The following ZCWPW2 variants were observed in gnomAD, a reference collection of about 807,000 sequenced individuals.
The protein encoded by ZCWPW2 is zinc finger CW-type PWWP domain protein 2.
ZCWPW2 carries 45 observed loss-of-function variants against 46.6 expected under a neutral mutation model. The observed-to-expected ratio is 0.96, with a 90% CI of 0.76 to 1.24. The LOEUF (loss-of-function observed/expected upper bound fraction) is 1.24, where lower values mean the gene tolerates loss of function less well. Among genes scored for constraint, ZCWPW2 ranks in the 50% most tolerant of loss-of-function variants. ZCWPW2 has a pLI of 0.00. For synonymous variants in ZCWPW2, 152 were observed against 137.1 expected, an observed-to-expected ratio of 1.11 and a Z score of -0.76; for missense variants, 429 against 403.9, an observed-to-expected ratio of 1.06 and a Z score of -0.53.
At chr3:28,359,873 T>C (rs1704876402) in intron 1 of ZCWPW2, among the ~76,000 whole-genome samples, 1 of 152,162 alleles carries the variant, frequency 6.6e-6, no homozygotes, top group African/African-American at 2.4e-5. Flanking sequence ...ACCTTAAATA[T>C]TGATTATAAT....
At chr3:28,355,289 C>A (rs562529005) in intron 1 of ZCWPW2, among the ~76,000 whole-genome samples, 44 of 152,336 alleles carry the variant, frequency 2.9e-4, no homozygotes, top group African/African-American at 9.6e-4. Flanking sequence ...ATCCAACTTA[C>A]AAGGAATGTG....
At chr3:28,474,921 C>T (rs1699183868) in intron 4 of ZCWPW2, among the ~76,000 whole-genome samples, 1 of 151,984 alleles carries the variant, frequency 6.6e-6, no homozygotes, top group African/African-American at 2.4e-5. Flanking sequence ...CTCCACCTCC[C>T]GGGTTCAAGC....
chr3:28,439,991 T>TC (rs1414904046), intron 4 of ZCWPW2, among the ~76,000 whole-genome samples: 1 of 152,192 alleles, frequency 6.6e-6, no homozygotes, highest in Non-Finnish European at 1.5e-5. Context: ...TGGTTTTTTT[T>TC]CCTGGTGAAG....
rs10212589 is a variant in ZCWPW2, at chr3:28,352,189, T to C, written c.-134+2986T>C. 1.6e-3 allele frequency among the ~76,000 whole-genome samples: 236 copies of C among 149,938 alleles called. 1 individual carries two copies. The highest frequency in any genetic ancestry group is 5.7e-3 in the African/African-American group (232 of 40,648). ...ACACGAGAGAGAATTATGTATGCCT[T>C]GCAGTGCATGACTTCTGTTAAACTG... On this transcript the variant is annotated intron_variant, in intron 1 of 9. Coordinates refer to ENST00000383768, the MANE Select transcript of ZCWPW2 (RefSeq NM_001040432.4).
chr3:28,435,744 C>A (rs1336275681), intron 4 of ZCWPW2, among the ~76,000 whole-genome samples: 1 of 152,012 alleles, frequency 6.6e-6, no homozygotes, highest in Non-Finnish European at 1.5e-5. Context: ...CCCCGGCCTC[C>A]GAAAGTGCTG....
intron 2 of ZCWPW2, among the ~76,000 whole-genome samples, chr3:28,411,646 GCT>G (rs1696403443): frequency 6.6e-6 from 1 of 151,974 alleles, no homozygotes. Context: ...ACATAACCTG[GCT>G]CCAAAGTCTA....
intron 4 of ZCWPW2, among the ~76,000 whole-genome samples, chr3:28,456,118 A>G (rs1451115971): frequency 6.6e-6 from 1 of 152,142 alleles, no homozygotes; most frequent in Non-Finnish European, 1.5e-5. Flanking sequence ...ATCCATGAGC[A>G]TGGATGTGTT....
At chr3:28,466,704 C>A (rs1698837013) in intron 4 of ZCWPW2, among the ~76,000 whole-genome samples, 1 of 152,080 alleles carries the variant, frequency 6.6e-6, no homozygotes, top group Non-Finnish European at 1.5e-5. Flanking sequence ...AAGGCTCAGG[C>A]ACGAAAATTG....
intron 3 of ZCWPW2, among the ~76,000 whole-genome samples, chr3:28,429,968 C>T (rs576484841): frequency 3.3e-5 from 5 of 152,292 alleles, no homozygotes; most frequent in Non-Finnish European, 7.4e-5. Flanking sequence ...GGACAGAGCC[C>T]TCATGGAGAA....
In ZCWPW2 at chr3:28,427,858, A is replaced by G. The variant is rs549432856; in HGVS notation, c.333-7252A>G. The G allele has an allele frequency of 2.0e-5, 3 of 152,348 alleles. No individual in the cohort carries two copies. In the South Asian group the frequency reaches 6.2e-4, roughly 32 times the overall value. The allele number at this position is 152,348 out of a possible 1,614,324, so 9.4% of individuals were successfully genotyped here. The stretch of plus-strand genomic sequence containing the variant: ...GATATTGCTTGACAATAATCCTTTT[A>G]GAAATTTTAAATCACCAACTATTAA... On this transcript the variant is annotated intron_variant, in intron 3 of 9. Transcript: ENST00000383768.
chr3:28,429,404 T>C (rs1446986621), intron 3 of ZCWPW2, among the ~76,000 whole-genome samples: 1 of 152,192 alleles, frequency 6.6e-6, no homozygotes, highest in Non-Finnish European at 1.5e-5. Flanking sequence ...ACTTGGGTGC[T>C]CTAAAAAGCA....
intron 4 of ZCWPW2, among the ~76,000 whole-genome samples, chr3:28,438,156 T>A (rs1384192157): frequency 6.6e-6 from 1 of 152,178 alleles, no homozygotes; most frequent in Admixed American, 6.5e-5. Context: ...ATATTAGGGA[T>A]CTGTGCTGTA....
intron 1 of ZCWPW2, among the ~76,000 whole-genome samples, chr3:28,379,092 G>C (rs1461689633): frequency 2.0e-5 from 3 of 151,976 alleles, no homozygotes; most frequent in African/African-American, 7.3e-5. Context: ...TGTGGAGAGG[G>C]GTCTTGTATT....
intron 3 of ZCWPW2, chr3:28,427,868 A>T (rs754753992): frequency 5.9e-5 from 9 of 152,230 alleles, no homozygotes; most frequent in Non-Finnish European, 7.3e-5. Flanking sequence ...AGAAATTTTA[A>T]ATCACCAACT....
chr3:28,412,696 G>A (rs1412051185), intron 2 of ZCWPW2, among the ~76,000 whole-genome samples: 4 of 152,044 alleles, frequency 2.6e-5, no homozygotes, highest in African/African-American at 9.7e-5. Context: ...CTGGTGCATA[G>A]TCAGCATTCA....
intron 1 of ZCWPW2, among the ~76,000 whole-genome samples, chr3:28,359,699 G>A (rs1316140679): frequency 9.2e-5 from 14 of 152,090 alleles, no homozygotes; most frequent in East Asian, 1.9e-4. Flanking sequence ...AAACTATAGC[G>A]CAATCAGGAA....
chr3:28,478,311 T>C, intron 4 of ZCWPW2: 1 of 327,146 alleles, frequency 3.1e-6, no homozygotes, highest in Non-Finnish European at 6.3e-6. Flanking sequence ...TGGCACAATC[T>C]CGCATCACTG....
At chr3:28,411,308 T>C (rs1696387718) in intron 2 of ZCWPW2, among the ~76,000 whole-genome samples, 1 of 152,064 alleles carries the variant, frequency 6.6e-6, no homozygotes, top group South Asian at 2.1e-4. Flanking sequence ...GAAAAGAATT[T>C]GATGAAATTA....
In ZCWPW2 at chr3:28,514,094, A is replaced by G; in HGVS notation, c.688A>G (p.Lys230Glu). The G allele has an allele frequency of 6.6e-7, 1 of 1,504,556 alleles. No individual in the cohort carries two copies. Among genetic ancestry groups the G allele is most frequent in the Non-Finnish European group, 9.1e-7 (1 of 1,099,522 alleles). The allele number at this position is 1,504,556 out of a possible 1,614,324, so 93.2% of individuals were successfully genotyped here. Residue 230 changes from lysine (K) to glutamate (E), a missense_variant, in exon 7 of 10, where the codon AAG becomes GAG. By Grantham distance (56) the Lys-to-Glu change is moderately conservative. Coordinates refer to ENST00000383768, the MANE Select transcript of ZCWPW2 (RefSeq NM_001040432.4). ...KQTSKNNIEK[K>E]KPKFRKRKRK... ...GACTTCTAAAAATAATATTGAAAAG[A>G]AGAAGCCCAAATTTAGAAAAAGGAA...
Sources: gnomAD v4.1 joint callset for allele counts (sites outside exome capture counted in the v4.1 genomes callset) on GRCh38, gnomAD v4.1.1 for gene constraint, MANE v1.5 for transcripts, NCBI Gene and HGNC (gene_info 2026-07-23, HGNC 2026-07-21) for gene names.